Variants in TANC2 observed in about 807,000 individuals in gnomAD.
TANC2 encodes tetratricopeptide repeat, ankyrin repeat and coiled-coil containing 2.
TANC2 carries 26 observed loss-of-function variants against 210.5 expected under a neutral mutation model. The observed-to-expected ratio is 0.12, with a 90% confidence interval of 0.09 to 0.17. TANC2 has a LOEUF of 0.17. TANC2 is among the 10% of genes least tolerant of loss of function. The pLI is 1.00. For missense variants in TANC2, 2,129 were observed against 2,608.9 expected (o/e 0.82, Z 4.01); for synonymous variants, 931 against 967.1 (o/e 0.96, Z 0.69).
At chr17:63,168,779 A>G (rs919664993) in intron 5 of TANC2, among the ~76,000 whole-genome samples, 3 of 152,172 alleles carry the variant, frequency 2.0e-5, no homozygotes, top group Non-Finnish European at 1.5e-5. Flanking sequence ...GTGGCAAGGA[A>G]GGATTGGAGA....
In TANC2 at chr17:63,220,260, A is replaced by G. The variant is rs564831667; in HGVS notation, c.770-17554A>G. ...CAGGGAGCCAAGATCGTGCCATTGCACTCCAACCTGGGTGACAGAGCAAGA... is the reference window on the plus strand; with the variant it reads ...CAGGGAGCCAAGATCGTGCCATTGCGCTCCAACCTGGGTGACAGAGCAAGA... On this transcript the variant is annotated intron_variant, in intron 7 of 27. Transcript: ENST00000689528. Among the ~76,000 whole-genome samples, 5 of 151,570 alleles carry G rather than the reference A, an allele frequency of 3.3e-5. No homozygotes were observed. In the South Asian group the frequency reaches 1.1e-3, roughly 32 times the overall value.
intron 12 of TANC2, among the ~76,000 whole-genome samples, chr17:63,349,888 A>G (rs927580561): frequency 1.3e-5 from 2 of 152,114 alleles, no homozygotes; most frequent in East Asian, 1.9e-4. Context: ...AAGGAATTTC[A>G]TGTTTTCTTA....
At chr17:63,344,603 G>GA (rs774134150) in intron 12 of TANC2, among the ~76,000 whole-genome samples, 2 of 152,130 alleles carry the variant, frequency 1.3e-5, no homozygotes, top group Non-Finnish European at 2.9e-5. Flanking sequence ...AAACTCTAAG[G>GA]AATCTACCCA....
chr17:63,304,533 C>G (rs1490185680), intron 9 of TANC2, among the ~76,000 whole-genome samples: 1 of 152,164 alleles, frequency 6.6e-6, no homozygotes. Flanking sequence ...TGTCTGACAA[C>G]CCCTGTTGGA....
chr17:63,137,922 G>A (rs892522912), intron 4 of TANC2, among the ~76,000 whole-genome samples: 1 of 152,054 alleles, frequency 6.6e-6, no homozygotes, highest in African/African-American at 2.4e-5. Context: ...AGTGTCCAAG[G>A]TATTATATAG....
chr17:63,217,110 T>G, intron 7 of TANC2, among the ~76,000 whole-genome samples: 1 of 152,328 alleles, frequency 6.6e-6, no homozygotes, highest in South Asian at 2.1e-4. Flanking sequence ...AGAGCTTTTT[T>G]TAGAAAGCAA....
chr17:63,230,445 T>A (rs2042445630), intron 7 of TANC2, among the ~76,000 whole-genome samples: 4 of 152,216 alleles, frequency 2.6e-5, no homozygotes, highest in Non-Finnish European at 5.9e-5. Flanking sequence ...CTCCAAACAC[T>A]GCTTTAGCTG....
At chr17:63,080,107 G>A (rs2036717763) in intron 3 of TANC2, among the ~76,000 whole-genome samples, 1 of 152,130 alleles carries the variant, frequency 6.6e-6, no homozygotes, top group Non-Finnish European at 1.5e-5. Flanking sequence ...TCCTAGTAAT[G>A]TAAGAGTTTA....
rs547142480 is a variant in TANC2 at position 63,097,483 on chromosome 17, T to C, written c.140-1692T>C. On this transcript the variant is annotated intron_variant, in intron 3 of 27. Coordinates refer to ENST00000689528, the Ensembl canonical transcript of TANC2. ...TAATAAATCAGGGGTGTCCAATCTT[T>C]TGGCTTCCCTGGGCCACATTGGAAT... is the stretch of plus-strand genomic sequence containing the variant. 7.9e-4 allele frequency among the ~76,000 whole-genome samples: 120 copies of C among 152,222 alleles called. No individual in the cohort carries two copies. In the Middle Eastern group the frequency reaches 0.017, roughly 22 times the overall value.
chr17:63,125,875 G>A (rs2038688662), intron 4 of TANC2, among the ~76,000 whole-genome samples: 2 of 152,160 alleles, frequency 1.3e-5, no homozygotes, highest in Non-Finnish European at 2.9e-5. Context: ...AAATTAGTTA[G>A]CAATATAATG....
chr17:63,013,055 A>G (rs2033943503), intron 2 of TANC2, among the ~76,000 whole-genome samples: 1 of 147,830 alleles, frequency 6.8e-6, no homozygotes, highest in African/African-American at 2.5e-5. Flanking sequence ...ATTTTTGTAG[A>G]TTTTTTTCTT....
intron 12 of TANC2, among the ~76,000 whole-genome samples, chr17:63,341,402 A>C (rs2046224664): frequency 6.6e-6 from 1 of 152,106 alleles, no homozygotes; most frequent in South Asian, 2.1e-4. Flanking sequence ...TCTCACACCC[A>C]CTTGGCTCAA....
intron 13 of TANC2, among the ~76,000 whole-genome samples, 179 bp downstream of exon 13, chr17:63,351,595 C>T (rs552729058): frequency 1.3e-5 from 2 of 152,192 alleles, no homozygotes; most frequent in South Asian, 2.1e-4. Flanking sequence ...ATTCTTTATA[C>T]GTGACTCTCA....
chr17:63,410,526 C>G (rs1296979602), intron 21 of TANC2, among the ~76,000 whole-genome samples: 1 of 152,012 alleles, frequency 6.6e-6, no homozygotes, highest in African/African-American at 2.4e-5. Flanking sequence ...ATGTCCTGGG[C>G]TCCTATTTGA....
At chr17:63,278,162 A>G (rs2043943362) in intron 9 of TANC2, among the ~76,000 whole-genome samples, 1 of 152,108 alleles carries the variant, frequency 6.6e-6, no homozygotes, top group Admixed American at 6.6e-5. Flanking sequence ...TCTTAAGGAG[A>G]AGGATAAGGA....
At chr17:62,979,120 G>GA (rs1483619450) in intron 1 of TANC2, among the ~76,000 whole-genome samples, 2 of 152,022 alleles carry the variant, frequency 1.3e-5, no homozygotes, top group Non-Finnish European at 2.9e-5. Context: ...TTGTGCAGAT[G>GA]AAAAGTCTGA....
intron 1 of TANC2, among the ~76,000 whole-genome samples, chr17:62,992,089 G>A (rs1228498292): frequency 6.6e-6 from 1 of 152,140 alleles, no homozygotes; most frequent in Admixed American, 6.6e-5. Flanking sequence ...ATGATTTAAG[G>A]TATACAGGAG....
At chr17:63,086,948 C>G (rs2036991129) in intron 3 of TANC2, among the ~76,000 whole-genome samples, 2 of 152,152 alleles carry the variant, frequency 1.3e-5, no homozygotes, top group African/African-American at 2.4e-5. Flanking sequence ...TGGGCGGGGA[C>G]AAATAAGGAA....
At chr17:63,130,403 T>G (rs989379258) in intron 4 of TANC2, among the ~76,000 whole-genome samples, 1 of 152,010 alleles carries the variant, frequency 6.6e-6, no homozygotes, top group Admixed American at 6.6e-5. Context: ...TCCCAGCTAC[T>G]TGGGAGGCTG....
Sources: gnomAD v4.1 joint callset for allele counts (sites outside exome capture counted in the v4.1 genomes callset) on GRCh38, gnomAD v4.1.1 for gene constraint, MANE v1.5 for transcripts, NCBI Gene and HGNC (gene_info 2026-07-23, HGNC 2026-07-21) for gene names.